Variants in C1D observed in about 807,000 individuals in gnomAD.
C1D encodes the protein nuclear nucleic acid-binding protein C1D.
Under a neutral mutation model 17.5 loss-of-function variants are expected in C1D, and 10 were observed. That is an observed-to-expected ratio of 0.57 (90% CI 0.35 to 0.97). C1D has a LOEUF of 0.97. C1D is among the 50% of genes least tolerant of loss of function. The pLI, the probability that C1D is intolerant of heterozygous loss-of-function variation, is 0.01. For missense variants in C1D, 136 were observed against 160.1 expected, an observed-to-expected ratio of 0.85 and a Z score of 0.81; for synonymous variants, 49 against 54.0, an observed-to-expected ratio of 0.91 and a Z score of 0.40.
intron 4 of C1D, among the ~76,000 whole-genome samples, chr2:68,044,474 C>T (rs1040076056): frequency 2.6e-5 from 4 of 152,142 alleles, no homozygotes; most frequent in African/African-American, 4.8e-5. Context: ...TTCGGGAGGC[C>T]GAGGCGGGCA....
chr2:68,044,919 T>C (rs1043410729), intron 4 of C1D, among the ~76,000 whole-genome samples: 3 of 152,192 alleles, frequency 2.0e-5, no homozygotes, highest in South Asian at 2.1e-4. Flanking sequence ...GCAAAGTCTA[T>C]ATTAGGAAGT....
chr2:68,060,876 G>A (rs1207591655), intron 1 of C1D, among the ~76,000 whole-genome samples: 1 of 152,058 alleles, frequency 6.6e-6, no homozygotes, highest in African/African-American at 2.4e-5. Flanking sequence ...CTAACATAAT[G>A]TCTTGTCATG....
intron 1 of C1D, among the ~76,000 whole-genome samples, chr2:68,050,163 C>T (rs542077633): frequency 3.3e-5 from 5 of 152,286 alleles, no homozygotes; most frequent in African/African-American, 1.2e-4. Flanking sequence ...AAAATCCTTG[C>T]ACATGTGCTT....
intron 1 of C1D, among the ~76,000 whole-genome samples, chr2:68,052,384 A>C (rs766789742): frequency 6.6e-6 from 1 of 151,782 alleles, no homozygotes; most frequent in Non-Finnish European, 1.5e-5. Context: ...AATTTTTAAT[A>C]AAAAACAAAT....
chr2:68,059,561 GCTTGA>G (rs1441562663), intron 1 of C1D, among the ~76,000 whole-genome samples: 3 of 152,098 alleles, frequency 2.0e-5, no homozygotes, highest in Non-Finnish European at 2.9e-5. Flanking sequence ...GCAACTATCT[GCTTGA>G]CTTAACATTA....
At chr2:68,045,893 A>G in intron 4 of C1D, 95 bp downstream of exon 4, 2 of 850,676 alleles carry the variant, frequency 2.4e-6, no homozygotes, top group Non-Finnish European at 3.6e-6. Flanking sequence ...TTCAACTCGA[A>G]TTCTGTTCTC....
At chr2:68,045,500 A>C (rs186470483) in intron 4 of C1D, among the ~76,000 whole-genome samples, 1 of 152,316 alleles carries the variant, frequency 6.6e-6, no homozygotes, top group Non-Finnish European at 1.5e-5. Flanking sequence ...AATATGTCTA[A>C]TGCAGAATTA....
At chr2:68,059,128 G>T (rs901411551) in intron 1 of C1D, among the ~76,000 whole-genome samples, 2 of 152,182 alleles carry the variant, frequency 1.3e-5, no homozygotes, top group East Asian at 1.9e-4. Flanking sequence ...GAGATAAAGG[G>T]GGAGCAGGCA....
chr2:68,050,659 C>T, intron 1 of C1D, among the ~76,000 whole-genome samples: 1 of 152,154 alleles, frequency 6.6e-6, no homozygotes, highest in Non-Finnish European at 1.5e-5. Flanking sequence ...GTTTGAAGTG[C>T]CCAGAGGCTG....
At chr2:68,047,497 T>TGGGGGGCTGTGG (rs902409321) in intron 1 of C1D, among the ~76,000 whole-genome samples, 178 bp from the exon 2 acceptor site, 14 of 152,228 alleles carry the variant, frequency 9.2e-5, no homozygotes, top group African/African-American at 3.1e-4. Flanking sequence ...GTCCCCTTCT[T>TGGGGGGCTGTGG]AAGTTTCTTG....
Position 68,062,969 on chromosome 2 carries a change from C to G in C1D, c.-21G>C, listed in dbSNP as rs1056932735. The stretch of plus-strand genomic sequence containing the variant: ...CCTTAGAAAAATACCTCACGGCCTT[C>G]GACTCCAGTCTCCCGGAAAGCGGTC... On this transcript the variant is annotated 5_prime_UTR_variant, in exon 1 of 5. Coordinates refer to ENST00000410067, the MANE Select transcript of C1D (RefSeq NM_173177.3). The G allele has an allele frequency of 6.6e-6, 1 of 152,206 alleles. No individual in the cohort carries two copies. The highest frequency in any genetic ancestry group is 6.5e-5 in the Admixed American group (1 of 15,278). 9.4% of individuals were successfully genotyped at this position (152,206 alleles called of 1,614,324 possible).
At chr2:68,056,539 A>G (rs1188890000) in intron 1 of C1D, among the ~76,000 whole-genome samples, 1 of 152,196 alleles carries the variant, frequency 6.6e-6, no homozygotes, top group Non-Finnish European at 1.5e-5. Context: ...ATGCAACACA[A>G]AGATTTTTTT....
intron 1 of C1D, among the ~76,000 whole-genome samples, chr2:68,047,846 A>G (rs1226713356): frequency 6.6e-6 from 1 of 152,254 alleles, no homozygotes; most frequent in East Asian, 1.9e-4. Context: ...AAGCAATTAA[A>G]GTTTGATAAA....
In C1D at chr2:68,049,941, TTAGA is replaced by T. The variant is rs1671235300; in HGVS notation, c.-9-2626_-9-2623del. ...GTATCTGACAAAATATCACAAAGAA[TTAGA>T]TAGACTAAATAAACAGTTCCTAGAA... On this transcript the variant is annotated intron_variant, in intron 1 of 4. Coordinates refer to ENST00000410067, the MANE Select transcript of C1D (RefSeq NM_173177.3). Among the ~76,000 whole-genome samples, 4 of 152,092 alleles carry T rather than the reference TTAGA, an allele frequency of 2.6e-5. No homozygotes were observed. In the South Asian group the frequency reaches 8.3e-4, roughly 31 times the overall value.
At chr2:68,051,777 A>G (rs910398385) in intron 1 of C1D, among the ~76,000 whole-genome samples, 2 of 151,864 alleles carry the variant, frequency 1.3e-5, no homozygotes, top group African/African-American at 2.4e-5. Context: ...TCTCCACTCA[A>G]ATGTCATCTA....
intron 4 of C1D, among the ~76,000 whole-genome samples, chr2:68,045,434 C>T (rs529953271): frequency 6.6e-6 from 1 of 152,246 alleles, no homozygotes; most frequent in East Asian, 1.9e-4. Flanking sequence ...ATATACTGTA[C>T]TTATACATCT....
In C1D at chr2:68,050,651, T is replaced by C. The variant is rs555570307; in HGVS notation, c.-9-3332A>G. On this transcript the variant is annotated intron_variant, in intron 1 of 4. Transcript: ENST00000410067. ...CACATCCTCAGCCCCTTAACCAAGTTTGAAGTGCCCAGAGGCTGTTCCTGA... is the reference window on the plus strand; with the variant it reads ...CACATCCTCAGCCCCTTAACCAAGTCTGAAGTGCCCAGAGGCTGTTCCTGA... Among the ~76,000 whole-genome samples, 16 of 152,286 alleles carry C rather than the reference T, an allele frequency of 1.1e-4. No individual in the cohort carries two copies. The South Asian group carries it at 1.9e-3, about 18-fold the overall frequency.
At chr2:68,055,744 G>C (rs1327706325) in intron 1 of C1D, among the ~76,000 whole-genome samples, 1 of 152,002 alleles carries the variant, frequency 6.6e-6, no homozygotes, top group Non-Finnish European at 1.5e-5. Context: ...GTATAGAGGG[G>C]TAAAATTATG....
intron 1 of C1D, 38 bp from the exon 2 acceptor site, chr2:68,047,357 C>T (rs758449609): frequency 5.9e-5 from 90 of 1,535,780 alleles, no homozygotes; most frequent in Non-Finnish European, 7.8e-5. Flanking sequence ...ATATTAGAGA[C>T]AGAGCTTGTT....
Sources: gnomAD v4.1 joint callset for allele counts (sites outside exome capture counted in the v4.1 genomes callset) on GRCh38, gnomAD v4.1.1 for gene constraint, MANE v1.5 for transcripts, NCBI Gene and HGNC (gene_info 2026-07-23, HGNC 2026-07-21) for gene names.